ZNF24: variants seen among roughly 807,000 people sequenced by gnomAD.
The protein encoded by ZNF24 is zinc finger protein 24.
In ZNF24, 11 loss-of-function variants were observed where a neutral mutation model predicts 40.9. That is an observed-to-expected ratio of 0.27 (90% CI 0.17 to 0.45). The LOEUF (loss-of-function observed/expected upper bound fraction) is 0.45. Among genes scored for constraint, ZNF24 ranks in the 20% least tolerant of loss-of-function variants. ZNF24 has a pLI of 1.00. For synonymous variants in ZNF24, 139 were observed against 154.7 expected, an observed-to-expected ratio of 0.90 and a Z score of 0.75; for missense variants, 293 against 437.7, an observed-to-expected ratio of 0.67 and a Z score of 2.95.
intron 1 of ZNF24, among the ~76,000 whole-genome samples, chr18:35,342,957 C>A (rs1218785974): frequency 6.6e-6 from 1 of 152,100 alleles, no homozygotes; most frequent in African/African-American, 2.4e-5. Context: ...TGTGCCTGAC[C>A]CTGGAACGCA....
chr18:35,339,132 A>C lies in ZNF24; in HGVS notation c.568+697T>G, dbSNP rs1029036684. The C allele has an allele frequency of 3.1e-6, 4 of 1,284,634 alleles. No homozygotes were observed. The African/African-American group carries it at 4.4e-5, about 14-fold the overall frequency. 79.6% of individuals were successfully genotyped at this position (1,284,634 alleles called of 1,614,324 possible). On this transcript the variant is annotated intron_variant, in intron 3 of 3. Coordinates refer to ENST00000261332, the MANE Select transcript of ZNF24 (RefSeq NM_006965.4). ...TCACATAAACATGAGAAAGCAATCT[A>C]GCAGTTTTAGGAATATACTGGGCCA...
Position 35,333,149 on chromosome 18 carries a change from T to C in ZNF24, c.*4083A>G, listed in dbSNP as rs2044873129. 1 of 152,046 alleles carries C rather than the reference T, an allele frequency of 6.6e-6. No homozygotes were observed. Among genetic ancestry groups the C allele is most frequent in the Admixed American group, 6.6e-5 (1 of 15,264 alleles). The allele number at this position is 152,046 out of a possible 1,614,324, so 9.4% of individuals were successfully genotyped here. A position where few individuals can be genotyped will look rare whatever the true frequency, so the allele number is the denominator to read the frequency against. On this transcript the variant is annotated 3_prime_UTR_variant, in exon 4 of 4. Coordinates refer to ENST00000261332, the MANE Select transcript of ZNF24 (RefSeq NM_006965.4). ...ATATTCACACACATGCACAAAGACATCTGAATAGGATGTTTACTTTGGCAA... is the reference window on the plus strand; with the variant it reads ...ATATTCACACACATGCACAAAGACACCTGAATAGGATGTTTACTTTGGCAA...
rs1266482695 is a variant in ZNF24, at chr18:35,342,195, TAA to T, written c.-83-1464_-83-1463del. On this transcript the variant is annotated intron_variant, in intron 1 of 3. Coordinates refer to ENST00000261332, the MANE Select transcript of ZNF24 (RefSeq NM_006965.4). ...TGGCGACAGAGCGAGACTCTGTCTA[TAA>T]AAAAAAAAAAGCAAAAAGCTTACAG... 1.3e-4 allele frequency among the ~76,000 whole-genome samples: 17 copies of T among 135,984 alleles called. 1 individual carries two copies. The highest frequency in any genetic ancestry group is 8.3e-4 in the Admixed American group (11 of 13,324). 89.2% of individuals were successfully genotyped at this position (135,984 alleles called of 152,430 possible).
In ZNF24 at chr18:35,333,997, G is replaced by C. The variant is rs1432599347; in HGVS notation, c.*3235C>G. 2 of 152,154 alleles carry C rather than the reference G, an allele frequency of 1.3e-5. No individual in the cohort carries two copies. Among genetic ancestry groups the C allele is most frequent in the African/African-American group, 4.8e-5 (2 of 41,418 alleles). The allele number at this position is 152,154 out of a possible 1,614,324, so 9.4% of individuals were successfully genotyped here. On this transcript the variant is annotated 3_prime_UTR_variant, in exon 4 of 4. Coordinates refer to ENST00000261332, the MANE Select transcript of ZNF24 (RefSeq NM_006965.4). ...GGGTTATGTCCTACTTTATACGGTAGCTGAGGATTAAGAGTTAATCCATGA... is the reference window on the plus strand; with the variant it reads ...GGGTTATGTCCTACTTTATACGGTACCTGAGGATTAAGAGTTAATCCATGA...
rs2044881874 is a variant in ZNF24 at position 35,334,039 on chromosome 18, G to C, written c.*3193C>G. The C allele has an allele frequency of 6.6e-6, 1 of 152,094 alleles. No homozygotes were observed. The highest frequency in any genetic ancestry group is 6.6e-5 in the Admixed American group (1 of 15,266). 9.4% of individuals were successfully genotyped at this position (152,094 alleles called of 1,614,324 possible). On this transcript the variant is annotated 3_prime_UTR_variant, in exon 4 of 4. Coordinates refer to ENST00000261332, the MANE Select transcript of ZNF24 (RefSeq NM_006965.4). ...AATCCATGATAAAGCACTTCAAATAGTGCCTGTCACAGCAACCACAGGTGT... is the reference window on the plus strand; with the variant it reads ...AATCCATGATAAAGCACTTCAAATACTGCCTGTCACAGCAACCACAGGTGT...
In ZNF24 at chr18:35,340,153, GA is replaced by G. The variant is rs2044953761; in HGVS notation, c.420+77del. 6.5e-7 allele frequency: 1 copy of G among 1,534,508 alleles called. No homozygotes were observed. Among genetic ancestry groups the G allele is most frequent in the African/African-American group, 1.4e-5 (1 of 72,850 alleles). On this transcript the variant is annotated intron_variant, in intron 2 of 3. Transcript: ENST00000261332. The surrounding 1 kb of genome is among the most constrained non-coding windows in gnomAD (Gnocchi z 4.6). ...GCATAAACATAATTCTAACTTAGTTGAGTGGAATTAATTCAGCAGCTTTGCC... is the reference window on the plus strand; with the variant it reads ...GCATAAACATAATTCTAACTTAGTTGGTGGAATTAATTCAGCAGCTTTGCC...
At chr18:35,342,829 T>C (rs966036751) in intron 1 of ZNF24, among the ~76,000 whole-genome samples, 35 of 152,226 alleles carry the variant, frequency 2.3e-4, no homozygotes, top group Non-Finnish European at 4.6e-4. Context: ...ATGACCTTAT[T>C]TACTATATGG....
rs1429657008 is a variant in ZNF24, at chr18:35,335,152, T to A, written c.*2080A>T. The stretch of plus-strand genomic sequence containing the variant: ...TACAAGAATTCTGTCATTCCAGCCG[T>A]CTTCCAAATATGCCACCTGAAAACC... On this transcript the variant is annotated 3_prime_UTR_variant, in exon 4 of 4. Coordinates refer to ENST00000261332, the MANE Select transcript of ZNF24 (RefSeq NM_006965.4). 1 of 152,126 alleles carries A rather than the reference T, an allele frequency of 6.6e-6. No homozygotes were observed. Among genetic ancestry groups the A allele is most frequent in the African/African-American group, 2.4e-5 (1 of 41,436 alleles). 9.4% of individuals were successfully genotyped at this position (152,126 alleles called of 1,614,324 possible).
At chr18:35,342,691 T>C (rs1271226576) in intron 1 of ZNF24, 3 of 152,256 alleles carry the variant, frequency 2.0e-5, no homozygotes, top group Non-Finnish European at 4.4e-5. Flanking sequence ...CAATAGGCTA[T>C]ACCAGATAGC....
rs1427520745 is a variant in ZNF24, at chr18:35,333,852, C to A, written c.*3380G>T. 1 of 151,962 alleles carries A rather than the reference C, an allele frequency of 6.6e-6. No individual in the cohort carries two copies. The highest frequency in any genetic ancestry group is 1.5e-5 in the Non-Finnish European group (1 of 67,996). The allele number at this position is 151,962 out of a possible 1,614,324, so 9.4% of individuals were successfully genotyped here. ...TCTATAATGAACCTAATTATCAATC[C>A]ATAGGGGATTAAATAAATTACAGAA... On this transcript the variant is annotated 3_prime_UTR_variant, in exon 4 of 4. Transcript: ENST00000261332.
rs896113350 is a variant in ZNF24, at chr18:35,338,932, A to G, written c.568+897T>C. On this transcript the variant is annotated intron_variant, in intron 3 of 3. Transcript: ENST00000261332. ...CAGAAGAATGTCCCATGAAACATGT[A>G]AAACTGCAGATTTTCAGCAGACTTC... is the stretch of plus-strand genomic sequence containing the variant. 9.5e-5 allele frequency: 141 copies of G among 1,482,990 alleles called. 1 individual carries two copies. In the East Asian group the frequency reaches 3.1e-3, roughly 33 times the overall value. 91.9% of individuals were successfully genotyped at this position (1,482,990 alleles called of 1,614,324 possible).
chr18:35,332,743 A>G lies in ZNF24; in HGVS notation c.*4489T>C, dbSNP rs2044869568. 6.5e-6 allele frequency: 1 copy of G among 152,672 alleles called. No individual in the cohort carries two copies. The highest frequency in any genetic ancestry group is 1.5e-5 in the Non-Finnish European group (1 of 68,064). 9.5% of individuals were successfully genotyped at this position (152,672 alleles called of 1,614,324 possible). A position where few individuals can be genotyped will look rare whatever the true frequency, so the allele number is the denominator to read the frequency against. Reference sequence around the variant, plus strand: ...CTAAGCCACAGGGAATAGGTTCCCCACAAATAAATAAAGGTTGTGTTACCA... The same window carrying G: ...CTAAGCCACAGGGAATAGGTTCCCCGCAAATAAATAAAGGTTGTGTTACCA... On this transcript the variant is annotated 3_prime_UTR_variant, in exon 4 of 4. Transcript: ENST00000261332.
chr18:35,340,214 G>C lies in ZNF24; in HGVS notation c.420+17C>G. ...TGCCAGTGCTTCTGACACAGGAAAT[G>C]ACACAAGCAGGCTCACCGGTTGTCC... On this transcript the variant is annotated intron_variant, in intron 2 of 3. Transcript: ENST00000261332. The surrounding 1 kb of genome is among the most constrained non-coding windows in gnomAD (Gnocchi z 4.6). 1 of 1,605,506 alleles carries C rather than the reference G, an allele frequency of 6.2e-7. No homozygotes were observed. Among genetic ancestry groups the C allele is most frequent in the Non-Finnish European group, 8.5e-7 (1 of 1,173,320 alleles).
At position 35,335,539 on chromosome 18, in the gene ZNF24, A is replaced by G. The variant is rs1251854345; in HGVS notation, c.*1693T>C. Reference sequence around the variant, plus strand: ...TTTAAACTTGATCCAAGCACCAGATATAACCAAAATCTCTGAACTAGGAAA... The same window carrying G: ...TTTAAACTTGATCCAAGCACCAGATGTAACCAAAATCTCTGAACTAGGAAA... On this transcript the variant is annotated 3_prime_UTR_variant, in exon 4 of 4. Coordinates refer to ENST00000261332, the MANE Select transcript of ZNF24 (RefSeq NM_006965.4). 2 of 152,176 alleles carry G rather than the reference A, an allele frequency of 1.3e-5. No homozygotes were observed. Among genetic ancestry groups the G allele is most frequent in the Non-Finnish European group, 2.9e-5 (2 of 68,028 alleles). The allele number at this position is 152,176 out of a possible 1,614,324, so 9.4% of individuals were successfully genotyped here. A position where few individuals can be genotyped will look rare whatever the true frequency, so the allele number is the denominator to read the frequency against.
At chr18:35,343,732 T>C (rs2044990178) in intron 1 of ZNF24, 1 of 152,312 alleles carries the variant, frequency 6.6e-6, no homozygotes, top group Admixed American at 6.5e-5. Context: ...CCTTTTATGC[T>C]GTAGAGCATA....
chr18:35,338,692 G>A (rs2044936111), intron 3 of ZNF24: 2 of 1,100,294 alleles, frequency 1.8e-6, no homozygotes, highest in Non-Finnish European at 2.2e-6. Context: ...AAAGGTTAGA[G>A]GAGGATAGTG....
intron 3 of ZNF24, chr18:35,338,323 C>A: frequency 4.1e-6 from 4 of 985,486 alleles, no homozygotes; most frequent in Non-Finnish European, 4.8e-6. Context: ...TGGGGGCCTC[C>A]TGTGTTAACC....
intron 3 of ZNF24, 49 bp from the exon 4 acceptor site, chr18:35,337,819 A>AG: frequency 4.0e-6 from 6 of 1,483,634 alleles, no homozygotes; most frequent in Non-Finnish European, 5.3e-6. Context: ...ATTAAGGGAA[A>AG]AGAAACCTAA....
intron 1 of ZNF24, among the ~76,000 whole-genome samples, chr18:35,343,164 CAT>C (rs1254104330): frequency 6.6e-6 from 1 of 152,138 alleles, no homozygotes; most frequent in South Asian, 2.1e-4. Context: ...TTGAAAAGAT[CAT>C]ATGTGAAAAA....
Sources: gnomAD v4.1 joint callset for allele counts (sites outside exome capture counted in the v4.1 genomes callset) on GRCh38, gnomAD v4.1.1 for gene constraint, Gnocchi (gnomAD v3.1) non-coding constraint, MANE v1.5 for transcripts, NCBI Gene and HGNC (gene_info 2026-07-23, HGNC 2026-07-21) for gene names.